Variants in WWOX observed in about 807,000 individuals in gnomAD.
The protein encoded by WWOX is WW domain-containing oxidoreductase.
A neutral mutation model predicts 46.2 loss-of-function variants in WWOX; 69 were observed. The ratio of observed to expected loss-of-function variants is 1.49; its 90% CI spans 1.23 to 1.82. WWOX has a LOEUF of 1.82. WWOX is among the 40% of genes most tolerant of loss of function. The pLI, the probability that WWOX is intolerant of heterozygous loss-of-function variation, is 0.00. For synonymous variants in WWOX, 359 were observed against 202.6 expected (o/e 1.77, Z -6.56); for missense variants, 919 against 542.6 (o/e 1.69, Z -6.89).
chr16:79,199,191 T>G (rs1039002009), intron 8 of WWOX, among the ~76,000 whole-genome samples: 3 of 152,180 alleles, frequency 2.0e-5, no homozygotes, highest in African/African-American at 7.2e-5. Context: ...GCCTCCCAAG[T>G]AAGTGGGACT....
At chr16:79,132,794 A>C (rs900079482) in intron 8 of WWOX, among the ~76,000 whole-genome samples, 3 of 152,212 alleles carry the variant, frequency 2.0e-5, no homozygotes, top group East Asian at 1.9e-4. Flanking sequence ...ACTGATGTCA[A>C]TGACTTTTCA....
chr16:78,106,072 G>C (rs1451626599), intron 1 of WWOX, among the ~76,000 whole-genome samples: 1 of 152,186 alleles, frequency 6.6e-6, no homozygotes, highest in African/African-American at 2.4e-5. Flanking sequence ...AAAGTGCTGG[G>C]ATTACAGGCG....
At chr16:78,892,401 C>G (rs1162808615) in intron 8 of WWOX, 2 of 152,210 alleles carry the variant, frequency 1.3e-5, no homozygotes, top group African/African-American at 2.4e-5. Flanking sequence ...GAAATTAATA[C>G]TCTAATGAGG....
chr16:78,502,428 A>G (rs1291430770), intron 8 of WWOX, among the ~76,000 whole-genome samples: 1 of 152,192 alleles, frequency 6.6e-6, no homozygotes, highest in Non-Finnish European at 1.5e-5. Flanking sequence ...ATATAAATAG[A>G]GTGATATGTT....
At chr16:79,042,635 G>T (rs1392314596) in intron 8 of WWOX, among the ~76,000 whole-genome samples, 1 of 152,076 alleles carries the variant, frequency 6.6e-6, no homozygotes, top group African/African-American at 2.4e-5. Context: ...GGGCTCAAGT[G>T]CAGTTAATCA....
At chr16:78,758,936 A>G (rs1400621337) in intron 8 of WWOX, among the ~76,000 whole-genome samples, 2 of 146,444 alleles carry the variant, frequency 1.4e-5, no homozygotes, top group African/African-American at 5.2e-5. Context: ...ACCACAAAAG[A>G]CAAAAAAAAA....
intron 8 of WWOX, among the ~76,000 whole-genome samples, chr16:78,982,371 C>G (rs1019431335): frequency 6.6e-6 from 1 of 152,198 alleles, no homozygotes; most frequent in Non-Finnish European, 1.5e-5. Flanking sequence ...AGTCATAGTA[C>G]AGCGTGCCAT....
chr16:78,669,051 C>T (rs72796604), intron 8 of WWOX, among the ~76,000 whole-genome samples: 4,666 of 152,288 alleles, frequency 0.031, 96 homozygotes, highest in Non-Finnish European at 0.048. Context: ...AGTGACCCTC[C>T]AGGAAGGCCC....
intron 8 of WWOX, among the ~76,000 whole-genome samples, chr16:79,068,457 T>C (rs1027068238): frequency 2.6e-5 from 4 of 151,998 alleles, no homozygotes; most frequent in Non-Finnish European, 5.9e-5. Flanking sequence ...TGCACAATCA[T>C]ATGTTCACGT....
intron 8 of WWOX, chr16:79,202,488 A>G (rs944540084): frequency 6.6e-6 from 1 of 152,232 alleles, no homozygotes; most frequent in African/African-American, 2.4e-5. Flanking sequence ...GAAAGTATGA[A>G]AAAGCCCAAG....
intron 8 of WWOX, among the ~76,000 whole-genome samples, chr16:78,455,498 G>A (rs1473456783): frequency 6.6e-6 from 1 of 151,594 alleles, no homozygotes; most frequent in Non-Finnish European, 1.5e-5. Flanking sequence ...AAAATTAGCT[G>A]GGTGTGTGGT....
At chr16:78,918,807 C>T (rs1050239078) in intron 8 of WWOX, among the ~76,000 whole-genome samples, 1 of 152,158 alleles carries the variant, frequency 6.6e-6, no homozygotes, top group Non-Finnish European at 1.5e-5. Flanking sequence ...TATTACAGAA[C>T]TTAAATTGGC....
intron 8 of WWOX, among the ~76,000 whole-genome samples, chr16:79,066,135 T>C (rs999480880): frequency 6.6e-6 from 1 of 152,126 alleles, no homozygotes; most frequent in Non-Finnish European, 1.5e-5. Context: ...CCAAGAACCT[T>C]TTCATCTACT....
At chr16:78,301,200 TAGTCC>T (rs1269327870) in intron 5 of WWOX, among the ~76,000 whole-genome samples, 1 of 152,232 alleles carries the variant, frequency 6.6e-6, no homozygotes, top group Non-Finnish European at 1.5e-5. Context: ...AAATAATACC[TAGTCC>T]ATAACAAGAT....
At chr16:78,595,951 G>T (rs946621279) in intron 8 of WWOX, among the ~76,000 whole-genome samples, 1 of 152,152 alleles carries the variant, frequency 6.6e-6, no homozygotes, top group African/African-American at 2.4e-5. Context: ...CTGAACTCAG[G>T]AGAGTGGAAA....
At chr16:78,609,278 C>A (rs1194058399) in intron 8 of WWOX, among the ~76,000 whole-genome samples, 1 of 151,760 alleles carries the variant, frequency 6.6e-6, no homozygotes, top group Non-Finnish European at 1.5e-5. Context: ...TTTTTTTGTT[C>A]TGGTTTTTGT....
intron 8 of WWOX, among the ~76,000 whole-genome samples, chr16:78,826,659 C>A (rs542233940): frequency 6.6e-6 from 1 of 152,288 alleles, no homozygotes; most frequent in African/African-American, 2.4e-5. Flanking sequence ...AGATCCGTAA[C>A]TTAATTACAT....
chr16:78,911,047 C>G (rs894858464), intron 8 of WWOX, among the ~76,000 whole-genome samples: 1 of 151,372 alleles, frequency 6.6e-6, no homozygotes, highest in Non-Finnish European at 1.5e-5. Flanking sequence ...TTCCCACAGC[C>G]TGTCGACTTC....
At chr16:78,148,728 T>C (rs1054279652) in intron 4 of WWOX, among the ~76,000 whole-genome samples, 9 of 151,666 alleles carry the variant, frequency 5.9e-5, no homozygotes, top group African/African-American at 2.2e-4. Flanking sequence ...AAACCCCGTC[T>C]CTACTAAAAA....
Sources: gnomAD v4.1 joint callset for allele counts (sites outside exome capture counted in the v4.1 genomes callset) on GRCh38, gnomAD v4.1.1 for gene constraint, MANE v1.5 for transcripts, NCBI Gene and HGNC (gene_info 2026-07-23, HGNC 2026-07-21) for gene names.